Variants in CFAP77 observed in about 807,000 individuals in gnomAD.
The protein encoded by CFAP77 is cilia- and flagella-associated protein 77.
A neutral mutation model predicts 31.1 loss-of-function variants in CFAP77; 25 were observed. The observed-to-expected ratio is 0.80, with a 90% CI of 0.59 to 1.12. The LOEUF is 1.12. Ranked by LOEUF, CFAP77 falls within the 50% of genes most tolerant of loss-of-function variation. CFAP77 has a pLI of 0.00. For missense variants in CFAP77, 377 were observed against 397.3 expected, an observed-to-expected ratio of 0.95 and a Z score of 0.44; for synonymous variants, 151 against 159.9, an observed-to-expected ratio of 0.94 and a Z score of 0.42.
chr9:132,420,535 C>A (rs181642877), intron 1 of CFAP77, among the ~76,000 whole-genome samples: 2 of 151,968 alleles, frequency 1.3e-5, no homozygotes, highest in Admixed American at 1.3e-4. Context: ...GTGGTGCACA[C>A]CTGTAATCCC....
Position 132,552,029 on chromosome 9 carries a change from C to A in CFAP77, c.732+8982C>A, listed in dbSNP as rs1852830463. Reference sequence around the variant, plus strand: ...AAAACCTCGGGCATCTTTTAAATTGCAGTTTGGCCCCAAGGCTAAAAAGGA... The same window carrying A: ...AAAACCTCGGGCATCTTTTAAATTGAAGTTTGGCCCCAAGGCTAAAAAGGA... On this transcript the variant is annotated intron_variant, in intron 5 of 5. Coordinates refer to ENST00000393216, the MANE Select transcript of CFAP77 (RefSeq NM_001282957.2). The surrounding 1 kb of genome is among the most constrained non-coding windows in gnomAD (Gnocchi z 5.5). Among the ~76,000 whole-genome samples the A allele has an allele frequency of 2.0e-5, 3 of 152,256 alleles. No homozygotes were observed. Among genetic ancestry groups the A allele is most frequent in the Non-Finnish European group, 4.4e-5 (3 of 68,048 alleles).
chr9:132,572,248 C>T, intron 5 of CFAP77, 140 bp from the exon 6 acceptor site: 1 of 1,096,056 alleles, frequency 9.1e-7, no homozygotes, highest in Non-Finnish European at 1.3e-6. Context: ...AGGCTCACAG[C>T]ACTTGCTGTG....
intron 1 of CFAP77, among the ~76,000 whole-genome samples, chr9:132,493,140 G>A (rs1347819897): frequency 1.3e-5 from 2 of 152,172 alleles, no homozygotes; most frequent in Admixed American, 1.3e-4. Context: ...CTGTGATGTA[G>A]TGTAGCCTGC....
intron 4 of CFAP77, among the ~76,000 whole-genome samples, chr9:132,538,478 T>C (rs1046520553): frequency 6.6e-6 from 1 of 152,242 alleles, no homozygotes; most frequent in African/African-American, 2.4e-5. Flanking sequence ...TCGTTTGTGT[T>C]GTCATACACA....
chr9:132,444,998 G>A (rs765697832), intron 1 of CFAP77, among the ~76,000 whole-genome samples: 51 of 145,320 alleles, frequency 3.5e-4, no homozygotes, highest in Non-Finnish European at 6.3e-4. Context: ...TTTTTAGACA[G>A]GGTCTCACTC....
chr9:132,448,937 C>T (rs1850773490), intron 1 of CFAP77, among the ~76,000 whole-genome samples: 1 of 152,018 alleles, frequency 6.6e-6, no homozygotes, highest in African/African-American at 2.4e-5. Flanking sequence ...CACGAAGAGA[C>T]CAAGGACCGT....
At chr9:132,505,197 C>G (rs2118979380) in intron 3 of CFAP77, among the ~76,000 whole-genome samples, 1 of 152,302 alleles carries the variant, frequency 6.6e-6, no homozygotes, top group Non-Finnish European at 1.5e-5. Flanking sequence ...ACAGCCAGCC[C>G]CCCAACCCCC....
rs1380232586 is a variant in CFAP77, at chr9:132,565,825, C to T, written c.733-6563C>T. 6.6e-6 allele frequency among the ~76,000 whole-genome samples: 1 copy of T among 152,146 alleles called. No homozygotes were observed. The highest frequency in any genetic ancestry group is 1.9e-4 in the East Asian group (1 of 5,192). ...TGCCATTTAGATTTGTGCAATGCTC[C>T]CCATTCTAACAGGACCAGCTCCTTC... is the stretch of plus-strand genomic sequence containing the variant. On this transcript the variant is annotated intron_variant, in intron 5 of 5. Transcript: ENST00000393216. This position sits in a 1 kb window ranked among gnomAD's most constrained non-coding sequence, Gnocchi z 4.1.
At chr9:132,519,835 GAT>G (rs1234543123) in intron 3 of CFAP77, among the ~76,000 whole-genome samples, 3 of 138,454 alleles carry the variant, frequency 2.2e-5, no homozygotes, top group African/African-American at 5.4e-5. Context: ...TGGATGGATG[GAT>G]GGATGGATGG....
chr9:132,470,814 G>A (rs1407331395), intron 1 of CFAP77, among the ~76,000 whole-genome samples: 1 of 152,166 alleles, frequency 6.6e-6, no homozygotes. Context: ...TTCCAGACCA[G>A]CCTGGCCAAC....
At chr9:132,508,215 G>A (rs943762735) in intron 3 of CFAP77, among the ~76,000 whole-genome samples, 3 of 152,202 alleles carry the variant, frequency 2.0e-5, no homozygotes, top group African/African-American at 4.8e-5. Context: ...CGCCCCCCGC[G>A]CCGCCGACTG....
intron 3 of CFAP77, among the ~76,000 whole-genome samples, chr9:132,518,478 G>A (rs1401734265): frequency 2.6e-5 from 4 of 152,110 alleles, no homozygotes; most frequent in South Asian, 2.1e-4. Flanking sequence ...AGCATCACAC[G>A]GGCAACTCGC....
At chr9:132,507,306 G>T (rs746001386) in intron 3 of CFAP77, among the ~76,000 whole-genome samples, 69 of 152,250 alleles carry the variant, frequency 4.5e-4, no homozygotes, top group African/African-American at 1.5e-3. Flanking sequence ...GCCACATTGG[G>T]GTCCAGATAT....
chr9:132,524,866 T>C (rs1852330040), intron 3 of CFAP77, among the ~76,000 whole-genome samples: 2 of 148,218 alleles, frequency 1.3e-5, no homozygotes, highest in African/African-American at 4.9e-5. Flanking sequence ...GCTACGATGG[T>C]CTCGATCTCC....
At position 132,498,493 on chromosome 9, in the gene CFAP77, C is replaced by T. The variant is rs1299280791; in HGVS notation, c.196-202C>T. ...TGCCTTCAGCACAGACACACAGACC[C>T]GCTTCTGCTGTGTGACCCTGTGCCA... is the stretch of plus-strand genomic sequence containing the variant. On this transcript the variant is annotated intron_variant, in intron 1 of 5. Transcript: ENST00000393216. This position sits in a 1 kb window ranked among gnomAD's most constrained non-coding sequence, Gnocchi z 4.2. 6.6e-6 allele frequency among the ~76,000 whole-genome samples: 1 copy of T among 152,116 alleles called. No homozygotes were observed. The highest frequency in any genetic ancestry group is 2.1e-4 in the South Asian group (1 of 4,806).
At chr9:132,451,480 G>A (rs566647044) in intron 1 of CFAP77, among the ~76,000 whole-genome samples, 46 of 152,166 alleles carry the variant, frequency 3.0e-4, no homozygotes, top group African/African-American at 1.0e-3. Context: ...TCATAGTTTC[G>A]CGAAGATTCA....
chr9:132,462,288 C>T (rs906563867), intron 1 of CFAP77, among the ~76,000 whole-genome samples: 2 of 151,848 alleles, frequency 1.3e-5, no homozygotes, highest in East Asian at 1.9e-4. Flanking sequence ...ATTCTAAGTA[C>T]GTGCAAGTGG....
At chr9:132,489,797 C>T (rs937678721) in intron 1 of CFAP77, among the ~76,000 whole-genome samples, 3 of 152,138 alleles carry the variant, frequency 2.0e-5, no homozygotes, top group African/African-American at 7.2e-5. Context: ...CACCTCTCAT[C>T]CTGGCCTGGG....
At chr9:132,536,064 T>C (rs143544874) in intron 3 of CFAP77, among the ~76,000 whole-genome samples, 10 of 152,254 alleles carry the variant, frequency 6.6e-5, no homozygotes, top group African/African-American at 2.4e-4. Context: ...GCATCATATA[T>C]ATATGATATA....
Sources: allele counts gnomAD v4.1 joint callset (sites outside exome capture counted in the v4.1 genomes callset), GRCh38; gene constraint gnomAD v4.1.1; non-coding constraint Gnocchi (gnomAD v3.1); transcripts MANE v1.5; gene names NCBI Gene and HGNC (gene_info 2026-07-23, HGNC 2026-07-21).